MAP1A: variants seen among roughly 807,000 people sequenced by gnomAD.
MAP1A encodes microtubule-associated protein 1A.
Under a neutral mutation model 185.9 loss-of-function variants are expected in MAP1A, and 42 were observed. The observed-to-expected ratio is 0.23, with a 90% confidence interval of 0.18 to 0.29. MAP1A has a LOEUF of 0.29. Ranked by LOEUF, MAP1A falls within the 10% of genes least tolerant of loss-of-function variation. The pLI, the probability that MAP1A is intolerant of heterozygous loss-of-function variation, is 1.00. For synonymous variants in MAP1A, 1,229 were observed against 1,335.9 expected (o/e 0.92, Z 1.74); for missense variants, 2,995 against 3,450.4 (o/e 0.87, Z 3.31).
chr15:43,515,081 G>A (rs770438025), upstream of MAP1A, among the ~76,000 whole-genome samples: 9 of 152,098 alleles, frequency 5.9e-5, no homozygotes, highest in Non-Finnish European at 1.2e-4. Flanking sequence ...CGAGGGTGGT[G>A]GTGCACACCT....
rs1320290252 is a variant in MAP1A at position 43,528,789 on chromosome 15, C to T, written c.7316C>T (p.Thr2439Ile). The change falls in exon 4 of 6, where the codon ACT becomes ATT. Residue 2439 changes from threonine to isoleucine, a missense_variant. Around this residue, in one of 3 missense-constraint regions of MAP1A, gnomAD observed 2,728 missense variants for 2,986.0 expected, o/e 0.91. Transcript: ENST00000300231. Reference sequence around the variant, plus strand: ...GAAGCTGGGCCCCAGGGATGTGCCACTGAGCCTCGGCCCCATCGTGGGGAG... The same window carrying T: ...GAAGCTGGGCCCCAGGGATGTGCCATTGAGCCTCGGCCCCATCGTGGGGAG... ...EVEAGPQGCA[T>I]EPRPHRGELS... is the part of the protein sequence containing the mutation. 2 of 1,613,508 alleles carry T rather than the reference C, an allele frequency of 1.2e-6. No homozygotes were observed. Among genetic ancestry groups the T allele is most frequent in the African/African-American group, 1.3e-5 (1 of 75,030 alleles).
rs2079355256 is a variant in MAP1A, at chr15:43,528,316, T to G, written c.6843T>G (p.Ala2281=). The G allele has an allele frequency of 1.2e-6, 2 of 1,614,024 alleles. No individual in the cohort carries two copies. Among genetic ancestry groups the G allele is most frequent in the Non-Finnish European group, 1.7e-6 (2 of 1,180,042 alleles). Residue 2281 remains alanine, a synonymous_variant, in exon 4 of 6, where the codon GCT becomes GCG. Coordinates refer to ENST00000300231, the MANE Select transcript of MAP1A (RefSeq NM_002373.6). ...VAERFSPSLE[A]AEQESGELDP... is the part of the protein sequence containing the mutation. ...AGCGCTTCTCTCCAAGCCTTGAGGCTGCAGAACAGGAGTCTGGAGAGCTGG... is the reference window on the plus strand; with the variant it reads ...AGCGCTTCTCTCCAAGCCTTGAGGCGGCAGAACAGGAGTCTGGAGAGCTGG...
In MAP1A at chr15:43,528,682, T is replaced by G; in HGVS notation, c.7209T>G (p.Pro2403=). ...WPEGAERSSR[P]DTLLSPEQPV... Reference sequence around the variant, plus strand: ...AAGGAGCTGAGAGGAGCTCCCGGCCTGACACATTGCTCTCCCCTGAGCAGC... The same window carrying G: ...AAGGAGCTGAGAGGAGCTCCCGGCCGGACACATTGCTCTCCCCTGAGCAGC... Residue 2403 remains proline, a synonymous_variant, in exon 4 of 6, where the codon CCT becomes CCG. Transcript: ENST00000300231. 6.2e-7 allele frequency: 1 copy of G among 1,613,754 alleles called. No homozygotes were observed. Among genetic ancestry groups the G allele is most frequent in the Non-Finnish European group, 8.5e-7 (1 of 1,179,970 alleles).
rs905697185 is a variant in MAP1A at position 43,526,135 on chromosome 15, A to C, written c.4662A>C (p.Lys1554Asn). The change falls in exon 4 of 6, where the codon AAA (lysine) becomes AAC (asparagine). Residue 1554 changes from lysine to asparagine, a missense_variant. Around this residue, in one of 3 missense-constraint regions of MAP1A, gnomAD observed 2,728 missense variants for 2,986.0 expected, o/e 0.91. Transcript: ENST00000300231. This position sits in a 1 kb window ranked among gnomAD's most constrained non-coding sequence, Gnocchi z 4.7. ...AGAAGGATCAGGCCTTAGAACAAAAATACTGGGCTTTGGGACAGAAGGATG... is the reference window on the plus strand; with the variant it reads ...AGAAGGATCAGGCCTTAGAACAAAACTACTGGGCTTTGGGACAGAAGGATG... ...SEKKDQALEQ[K>N]YWALGQKDEA... 4.3e-6 allele frequency: 7 copies of C among 1,613,966 alleles called. No homozygotes were observed. The highest frequency in any genetic ancestry group is 5.9e-6 in the Non-Finnish European group (7 of 1,180,054).
Position 43,528,794 on chromosome 15 carries a change from C to A in MAP1A, c.7321C>A (p.Pro2441Thr), listed in dbSNP as rs1003621081. Residue 2441 changes from proline to threonine, a missense_variant, in exon 4 of 6, where the codon CCT becomes ACT. This residue lies in a region of MAP1A where 2,728 missense variants were observed against 2,986.0 expected (regional missense o/e 0.91). Transcript: ENST00000300231. The stretch of plus-strand genomic sequence containing the variant: ...TGGGCCCCAGGGATGTGCCACTGAG[C>A]CTCGGCCCCATCGTGGGGAGCTCTC... ...EAGPQGCATE[P>T]RPHRGELSPS... 6.2e-7 allele frequency: 1 copy of A among 1,613,512 alleles called. No homozygotes were observed. The highest frequency in any genetic ancestry group is 8.5e-7 in the Non-Finnish European group (1 of 1,179,964).
rs2079334990 is a variant in MAP1A, at chr15:43,524,711, G to A, written c.3238G>A (p.Asp1080Asn). The A allele has an allele frequency of 6.2e-7, 1 of 1,613,988 alleles. No individual in the cohort carries two copies. Among genetic ancestry groups the A allele is most frequent in the African/African-American group, 1.3e-5 (1 of 74,904 alleles). Residue 1080 changes from aspartate to asparagine, a missense_variant, in exon 4 of 6, where the codon GAT becomes AAT. Physicochemically the swap from Asp to Asn is conservative, Grantham distance 23. Coordinates refer to ENST00000300231, the MANE Select transcript of MAP1A (RefSeq NM_002373.6). ...PQAQEAPVNI[D>N]EGLTGCTIQL... is the part of the protein sequence containing the mutation. ...GGCCCAGGAAGCACCTGTCAACATT[G>A]ATGAGGGGCTTACAGGCTGTACCAT...
chr15:43,528,807 G>T lies in MAP1A; in HGVS notation c.7334G>T (p.Arg2445Leu), dbSNP rs780155123. 1.4e-5 allele frequency: 23 copies of T among 1,613,410 alleles called. No homozygotes were observed. The Admixed American group carries it at 3.7e-4, about 26-fold the overall frequency. ...QGCATEPRPH[R>L]GELSPSFLNP... Reference sequence around the variant, plus strand: ...TGTGCCACTGAGCCTCGGCCCCATCGTGGGGAGCTCTCCCCATCCTTCCTG... The same window carrying T: ...TGTGCCACTGAGCCTCGGCCCCATCTTGGGGAGCTCTCCCCATCCTTCCTG... The change falls in exon 4 of 6, where the codon CGT (arginine) becomes CTT (leucine). Residue 2445 changes from arginine (R) to leucine (L), a missense_variant. By Grantham distance (102) the Arg-to-Leu change is moderately radical (BLOSUM62 -2). Transcript: ENST00000300231.
At chr15:43,518,716 C>T (rs1030430456) in intron 1 of MAP1A, among the ~76,000 whole-genome samples, 1 of 138,140 alleles carries the variant, frequency 7.2e-6, no homozygotes, top group Non-Finnish European at 1.6e-5. Flanking sequence ...CCACCCCCCC[C>T]CGCAACTCCA....
chr15:43,521,975 C>T lies in MAP1A; in HGVS notation c.502C>T (p.Arg168Cys), dbSNP rs377346518. 16 of 1,614,086 alleles carry T rather than the reference C, an allele frequency of 9.9e-6. No homozygotes were observed. Among genetic ancestry groups the T allele is most frequent in the Non-Finnish European group, 1.2e-5 (14 of 1,180,046 alleles). ...CTGCCTCACTCTGCAGCACTTAAAC[C>T]GCCTGGGCATCCAGGCTGAGCCTCT... ...EACLTLQHLN[R>C]LGIQAEPLYR... The change falls in exon 4 of 6, where the codon CGC becomes TGC. Residue 168 changes from arginine (R) to cysteine (C), a missense_variant. Transcript: ENST00000300231. The surrounding 1 kb of genome is among the most constrained non-coding windows in gnomAD (Gnocchi z 4.6).
At chr15:43,514,218 A>C (rs556456795), upstream of MAP1A, among the ~76,000 whole-genome samples, 1 of 152,196 alleles carries the variant, frequency 6.6e-6, no homozygotes. Context: ...TTACTTTGGC[A>C]TACTGCATAT....
chr15:43,516,806 G>T (rs146927739), upstream of MAP1A, among the ~76,000 whole-genome samples: 1 of 152,194 alleles, frequency 6.6e-6, no homozygotes, highest in Non-Finnish European at 1.5e-5. Context: ...AACCTTGCTT[G>T]GGCCGGAGGC....
In MAP1A at chr15:43,523,588, A is replaced by C; in HGVS notation, c.2115A>C (p.Gly705=). The change falls in exon 4 of 6, where the codon GGA becomes GGC. Residue 705 remains glycine, a synonymous_variant. Transcript: ENST00000300231. ...SREAFGGREL[G]LQGKAPEKET... is the part of the protein sequence containing the mutation. ...AGGCTTTTGGGGGTCGGGAATTGGGACTCCAGGGCAAGGCCCCTGAGAAGG... is the reference window on the plus strand; with the variant it reads ...AGGCTTTTGGGGGTCGGGAATTGGGCCTCCAGGGCAAGGCCCCTGAGAAGG... 6.2e-7 allele frequency: 1 copy of C among 1,613,954 alleles called. No individual in the cohort carries two copies. The highest frequency in any genetic ancestry group is 8.5e-7 in the Non-Finnish European group (1 of 1,179,966).
rs2602131 is a variant in MAP1A at position 43,530,453 on chromosome 15, A to C, written c.*229A>C. ...CAGGGAGAGGATGGGGGAGGGGACAAATTAGAATAGGATAGCATCTGATGC... is the reference window on the plus strand; with the variant it reads ...CAGGGAGAGGATGGGGGAGGGGACACATTAGAATAGGATAGCATCTGATGC... On this transcript the variant is annotated 3_prime_UTR_variant, in exon 6 of 6. Coordinates refer to ENST00000300231, the MANE Select transcript of MAP1A (RefSeq NM_002373.6). 3.5e-6 allele frequency: 2 copies of C among 565,782 alleles called. No individual in the cohort carries two copies. The highest frequency in any genetic ancestry group is 3.1e-6 in the Non-Finnish European group (1 of 317,542). The allele number at this position is 565,782 out of a possible 1,614,324, so 35.0% of individuals were successfully genotyped here. A position where few individuals can be genotyped will look rare whatever the true frequency, so the allele number is the denominator to read the frequency against.
chr15:43,529,488 A>T lies in MAP1A; in HGVS notation c.8015A>T (p.Asn2672Ile), dbSNP rs187906946. ...AGCCCCATGTCCAAAGGCCTAGTCA[A>T]TGGACTCAAGGCAGGACCAAGTAAG... ...GHSPMSKGLV[N>I]GLKAGPMALS... The change falls in exon 4 of 6, where the codon AAT (asparagine) becomes ATT (isoleucine). Residue 2672 changes from asparagine (N) to isoleucine (I), a missense_variant. Coordinates refer to ENST00000300231, the MANE Select transcript of MAP1A (RefSeq NM_002373.6). The surrounding 1 kb of genome is among the most constrained non-coding windows in gnomAD (Gnocchi z 4.3). 3 of 1,608,898 alleles carry T rather than the reference A, an allele frequency of 1.9e-6. No homozygotes were observed. Among genetic ancestry groups the T allele is most frequent in the Non-Finnish European group, 2.5e-6 (3 of 1,176,680 alleles).
chr15:43,520,292 C>T (rs1021047462), intron 1 of MAP1A, among the ~76,000 whole-genome samples: 4 of 152,164 alleles, frequency 2.6e-5, no homozygotes, highest in Non-Finnish European at 4.4e-5. Context: ...GCCCCCCATC[C>T]CCAGGCAGCA....
chr15:43,529,293 G>A lies in MAP1A; in HGVS notation c.7820G>A (p.Arg2607His), dbSNP rs1299087230. 2.5e-6 allele frequency: 4 copies of A among 1,613,970 alleles called. No homozygotes were observed. The highest frequency in any genetic ancestry group is 1.1e-5 in the South Asian group (1 of 91,078). ...GAAAAGGTTCAGGGGCGAGTAGGGC[G>A]CAGGGCCCCAGGCAAGGCCAAGCCA... The part of the protein sequence containing the change: ...EKEKVQGRVG[R>H]RAPGKAKPAS... Residue 2607 changes from arginine to histidine, a missense_variant, in exon 4 of 6, where the codon CGC (arginine) becomes CAC (histidine). Arg to His is a conservative substitution (Grantham distance 29). This residue lies in a region of MAP1A where 2,728 missense variants were observed against 2,986.0 expected (regional missense o/e 0.91). Coordinates refer to ENST00000300231, the MANE Select transcript of MAP1A (RefSeq NM_002373.6). The surrounding 1 kb of genome is among the most constrained non-coding windows in gnomAD (Gnocchi z 4.3).
chr15:43,518,505 C>T (rs2079306682), intron 1 of MAP1A, among the ~76,000 whole-genome samples: 1 of 152,130 alleles, frequency 6.6e-6, no homozygotes, highest in Admixed American at 6.5e-5. Flanking sequence ...CTGCATCCCC[C>T]CATCCCCACC....
rs2079349611 is a variant in MAP1A, at chr15:43,527,386, T to C, written c.5913T>C (p.Tyr1971=). ...GAAGCTTTCAGTATGCAGACATCTA[T>C]GAGCAGATGATGCTTACTGGGCTTG... ...DERSFQYADI[Y]EQMMLTGLGP... The change falls in exon 4 of 6, where the codon TAT becomes TAC. Residue 1971 remains tyrosine (Y), a synonymous_variant. Coordinates refer to ENST00000300231, the MANE Select transcript of MAP1A (RefSeq NM_002373.6). 3.1e-6 allele frequency: 5 copies of C among 1,614,190 alleles called. No homozygotes were observed. Among genetic ancestry groups the C allele is most frequent in the Non-Finnish European group, 4.2e-6 (5 of 1,180,010 alleles).
At position 43,527,028 on chromosome 15, in the gene MAP1A, T is replaced by TC; in HGVS notation, c.5561dup (p.Ala1855CysfsTer30). The TC allele has an allele frequency of 1.9e-6, 3 of 1,547,402 alleles. No individual in the cohort carries two copies. Among genetic ancestry groups the TC allele is most frequent in the Non-Finnish European group, 8.9e-7 (1 of 1,126,782 alleles). ...CCCTGGGTGCCCAAGGACAGACCCC[T>TC]CCCCCCTGCACCCCTCTCCCCAGCT... On this transcript the variant is annotated frameshift_variant, in exon 4 of 6. Coordinates refer to ENST00000300231, the MANE Select transcript of MAP1A (RefSeq NM_002373.6). LOFTEE classifies it high-confidence loss of function.
Sources: allele counts gnomAD v4.1 joint callset (sites outside exome capture counted in the v4.1 genomes callset), GRCh38; gene constraint gnomAD v4.1.1; regional missense constraint gnomAD v4.1.1; non-coding constraint Gnocchi (gnomAD v3.1); transcripts MANE v1.5; gene names NCBI Gene and HGNC (gene_info 2026-07-23, HGNC 2026-07-21).